Variants in KIRREL3 observed in about 807,000 individuals in gnomAD.
KIRREL3 encodes the protein kin of IRRE-like protein 3.
KIRREL3 carries 36 observed loss-of-function variants against 89.7 expected under a neutral mutation model. The ratio of observed to expected loss-of-function variants is 0.40; its 90% confidence interval spans 0.31 to 0.53. The LOEUF is 0.53. Among genes scored for constraint, KIRREL3 ranks in the 20% least tolerant of loss-of-function variants. The probability of loss-of-function intolerance (pLI) is 0.49; values close to 1 mark genes in which losing one functional copy is unlikely to be tolerated. For missense variants in KIRREL3, 864 were observed against 1,056.6 expected, an observed-to-expected ratio of 0.82 and a Z score of 2.53; for synonymous variants, 445 against 441.4, an observed-to-expected ratio of 1.01 and a Z score of -0.10.
intron 13 of KIRREL3, among the ~76,000 whole-genome samples, chr11:126,434,850 C>T (rs1955257758): frequency 6.6e-6 from 1 of 152,050 alleles, no homozygotes; most frequent in African/African-American, 2.4e-5. Context: ...CCCCGGTGTC[C>T]TGGGAAGCAG....
chr11:126,503,966 G>C (rs922293308), intron 4 of KIRREL3, among the ~76,000 whole-genome samples: 1 of 152,088 alleles, frequency 6.6e-6, no homozygotes, highest in Non-Finnish European at 1.5e-5. Context: ...AAGCCACCCA[G>C]TCTATAGTAT....
intron 1 of KIRREL3, among the ~76,000 whole-genome samples, chr11:126,874,423 A>G (rs1303621477): frequency 6.6e-6 from 1 of 152,240 alleles, no homozygotes; most frequent in Non-Finnish European, 1.5e-5. Context: ...AGAAGCTTGA[A>G]TCATGAAACA....
In KIRREL3 at chr11:126,612,184, T is replaced by C. The variant is rs536449888; in HGVS notation, c.56-49272A>G. On this transcript the variant is annotated intron_variant, in intron 1 of 16. Coordinates refer to ENST00000525144, the MANE Select transcript of KIRREL3 (RefSeq NM_032531.4). This position sits in a 1 kb window ranked among gnomAD's most constrained non-coding sequence, Gnocchi z 4.5. ...CAGTATTATATGAACACCCCTGGCA[T>C]ATAATAAGTGCTCCCTCAGAATTTG... is the stretch of plus-strand genomic sequence containing the variant. Among the ~76,000 whole-genome samples, 1 of 152,290 alleles carries C rather than the reference T, an allele frequency of 6.6e-6. No homozygotes were observed. Among genetic ancestry groups the C allele is most frequent in the Non-Finnish European group, 1.5e-5 (1 of 68,020 alleles).
chr11:126,691,279 T>C (rs1946870523), intron 1 of KIRREL3, among the ~76,000 whole-genome samples: 1 of 152,166 alleles, frequency 6.6e-6, no homozygotes, highest in African/African-American at 2.4e-5. Context: ...ATCCCACTCT[T>C]AGGAAGTCAG....
intron 1 of KIRREL3, among the ~76,000 whole-genome samples, chr11:126,600,673 A>G (rs1464053005): frequency 6.6e-6 from 1 of 152,156 alleles, no homozygotes; most frequent in Non-Finnish European, 1.5e-5. Flanking sequence ...GAAGAAAGAC[A>G]TAGCTGAAAT....
At chr11:126,921,022 C>A (rs1947253499) in intron 1 of KIRREL3, among the ~76,000 whole-genome samples, 1 of 152,186 alleles carries the variant, frequency 6.6e-6, no homozygotes, top group Non-Finnish European at 1.5e-5. Context: ...ACTTGCATCT[C>A]TCTCGCCCCC....
chr11:126,784,028 A>G (rs974796492), intron 1 of KIRREL3, among the ~76,000 whole-genome samples: 6 of 152,134 alleles, frequency 3.9e-5, no homozygotes, highest in African/African-American at 1.4e-4. Flanking sequence ...ATCGAGGGAC[A>G]CTCTGCAAGA....
At chr11:126,675,833 TTAA>T (rs1466237508) in intron 1 of KIRREL3, among the ~76,000 whole-genome samples, 1 of 152,002 alleles carries the variant, frequency 6.6e-6, no homozygotes, top group Non-Finnish European at 1.5e-5. Context: ...GGGTAATGGA[TTAA>T]TGAGGAGAGA....
At chr11:126,671,236 T>A (rs893520220) in intron 1 of KIRREL3, among the ~76,000 whole-genome samples, 1 of 58,952 alleles carries the variant, frequency 1.7e-5, no homozygotes, top group African/African-American at 7.0e-5. Flanking sequence ...GTTTTTCTCC[T>A]TTTTTTTTTT....
In KIRREL3 at chr11:126,491,890, T is replaced by TG. The variant is rs563696280; in HGVS notation, c.434-18425dup. ...CTAATTTTTGTATTTTTAGTAGAGA[T>TG]GGGGTTTCACCATGTTGGCCAGGCT... On this transcript the variant is annotated intron_variant, in intron 4 of 16. Transcript: ENST00000525144. The surrounding 1 kb of genome is among the most constrained non-coding windows in gnomAD (Gnocchi z 5.5). Among the ~76,000 whole-genome samples, 104 of 152,026 alleles carry TG rather than the reference T, an allele frequency of 6.8e-4. 2 individuals carry two copies. The East Asian group carries it at 0.018, about 26-fold the overall frequency.
At chr11:126,591,800 C>T (rs1942146721) in intron 1 of KIRREL3, among the ~76,000 whole-genome samples, 1 of 152,196 alleles carries the variant, frequency 6.6e-6, no homozygotes, top group Admixed American at 6.5e-5. Context: ...TGACCATGCT[C>T]TGTTTTACCA....
Position 126,805,982 on chromosome 11 carries a change from A to C in KIRREL3, c.55+194473T>G, listed in dbSNP as rs544380622. 1.3e-5 allele frequency among the ~76,000 whole-genome samples: 2 copies of C among 152,212 alleles called. No homozygotes were observed. Among genetic ancestry groups the C allele is most frequent in the Admixed American group, 1.3e-4 (2 of 15,292 alleles). On this transcript the variant is annotated intron_variant, in intron 1 of 16. Coordinates refer to ENST00000525144, the MANE Select transcript of KIRREL3 (RefSeq NM_032531.4). The surrounding 1 kb of genome is among the most constrained non-coding windows in gnomAD (Gnocchi z 4.3). ...GTGCCCCCAAATCCTCCCTTCAATG[A>C]CATCAACAAATTTAAAAAATCCACA...
Position 127,000,461 on chromosome 11 carries a change from T to A in KIRREL3, c.49A>T (p.Ser17Cys). 1 of 1,606,268 alleles carries A rather than the reference T, an allele frequency of 6.2e-7. No homozygotes were observed. The highest frequency in any genetic ancestry group is 1.1e-5 in the South Asian group (1 of 89,076). Residue 17 changes from serine (S) to cysteine (C), a missense_variant, in exon 1 of 17, where the codon AGT becomes TGT. Physicochemically the swap from Ser to Cys is moderately radical, Grantham distance 112. Coordinates refer to ENST00000525144, the MANE Select transcript of KIRREL3 (RefSeq NM_032531.4). This position sits in a 1 kb window ranked among gnomAD's most constrained non-coding sequence, Gnocchi z 7.1. ...DLLFVCFFLF[S>C]QELGLQKRGC... ...AGCAGCGCAGGGGTCCTACCTTGACTGAAGAGGAAGAAGCAGACGAAGAGC... is the reference window on the plus strand; with the variant it reads ...AGCAGCGCAGGGGTCCTACCTTGACAGAAGAGGAAGAAGCAGACGAAGAGC...
chr11:126,867,103 G>A lies in KIRREL3; in HGVS notation c.55+133352C>T, dbSNP rs1944950567. On this transcript the variant is annotated intron_variant, in intron 1 of 16. Coordinates refer to ENST00000525144, the MANE Select transcript of KIRREL3 (RefSeq NM_032531.4). The surrounding 1 kb of genome is among the most constrained non-coding windows in gnomAD (Gnocchi z 4.7). The stretch of plus-strand genomic sequence containing the variant: ...CACGCCCACTGGGGCTTCAGGAGCT[G>A]TAAACACTCAACCCTACATGCTGCC... Among the ~76,000 whole-genome samples the A allele has an allele frequency of 6.6e-6, 1 of 152,232 alleles. No homozygotes were observed. Among genetic ancestry groups the A allele is most frequent in the East Asian group, 1.9e-4 (1 of 5,186 alleles).
chr11:127,002,675 C>T (rs1056992561), upstream of KIRREL3, among the ~76,000 whole-genome samples: 3 of 152,140 alleles, frequency 2.0e-5, no homozygotes, highest in African/African-American at 7.2e-5. Flanking sequence ...GGGAATAGGA[C>T]AAATACTAGA....
At chr11:126,514,106 C>A (rs1020210307) in intron 4 of KIRREL3, among the ~76,000 whole-genome samples, 14 of 151,928 alleles carry the variant, frequency 9.2e-5, no homozygotes, top group Non-Finnish European at 2.9e-5. Flanking sequence ...GAGCTGGGAG[C>A]GAGCTGGTGG....
intron 1 of KIRREL3, among the ~76,000 whole-genome samples, chr11:126,720,163 TTGTC>T (rs935922376): frequency 6.6e-6 from 1 of 152,232 alleles, no homozygotes; most frequent in Admixed American, 6.5e-5. Context: ...TATTTGTAAA[TTGTC>T]TGAGCTCCCA....
chr11:126,611,701 G>A lies in KIRREL3; in HGVS notation c.56-48789C>T, dbSNP rs922084446. 3.3e-5 allele frequency among the ~76,000 whole-genome samples: 5 copies of A among 152,122 alleles called. No individual in the cohort carries two copies. Among genetic ancestry groups the A allele is most frequent in the African/African-American group, 9.7e-5 (4 of 41,406 alleles). On this transcript the variant is annotated intron_variant, in intron 1 of 16. Transcript: ENST00000525144. This position sits in a 1 kb window ranked among gnomAD's most constrained non-coding sequence, Gnocchi z 4.7. Reference sequence around the variant, plus strand: ...TGCACGCACGTTGGGTTCACTGATCGCAGAGTCTTTTTCTGGCTGCCAAGA... The same window carrying A: ...TGCACGCACGTTGGGTTCACTGATCACAGAGTCTTTTTCTGGCTGCCAAGA...
intron 1 of KIRREL3, among the ~76,000 whole-genome samples, chr11:126,971,468 T>C (rs1191645214): frequency 1.3e-5 from 2 of 152,178 alleles, no homozygotes; most frequent in Non-Finnish European, 2.9e-5. Context: ...CGGGGTGTTG[T>C]CTTCCCAGGC....
Sources: allele counts gnomAD v4.1 joint callset (sites outside exome capture counted in the v4.1 genomes callset), GRCh38; gene constraint gnomAD v4.1.1; non-coding constraint Gnocchi (gnomAD v3.1); transcripts MANE v1.5; gene names NCBI Gene and HGNC (gene_info 2026-07-23, HGNC 2026-07-21).